CDH18: variants seen among roughly 807,000 people sequenced by gnomAD.
CDH18 encodes cadherin-18.
CDH18 carries 31 observed loss-of-function variants against 67.9 expected under a neutral mutation model. That is an observed-to-expected ratio of 0.46 (90% CI 0.34 to 0.62). The LOEUF is 0.62. CDH18 is among the 20% of genes least tolerant of loss of function. CDH18 has a pLI of 0.01. For missense variants in CDH18, 890 were observed against 975.5 expected, an observed-to-expected ratio of 0.91 and a Z score of 1.17; for synonymous variants, 362 against 347.2, an observed-to-expected ratio of 1.04 and a Z score of -0.48.
intron 1 of CDH18, among the ~76,000 whole-genome samples, chr5:20,531,895 A>C (rs1756423278): frequency 6.6e-6 from 1 of 152,118 alleles, no homozygotes; most frequent in African/African-American, 2.4e-5. Flanking sequence ...AAAAATAATA[A>C]AATTAAAATT....
At chr5:19,922,763 G>A (rs933113864) in intron 2 of CDH18, among the ~76,000 whole-genome samples, 13 of 151,852 alleles carry the variant, frequency 8.6e-5, no homozygotes, top group Non-Finnish European at 1.6e-4. Context: ...TTATTCTACT[G>A]GAGAACACAT....
intron 1 of CDH18, among the ~76,000 whole-genome samples, chr5:20,310,419 T>C (rs991658769): frequency 1.3e-5 from 2 of 152,178 alleles, no homozygotes; most frequent in Non-Finnish European, 2.9e-5. Flanking sequence ...TTTGCTTTAA[T>C]TGGGGGAAAT....
chr5:20,108,062 T>A lies in CDH18; in HGVS notation c.-517-116048A>T, dbSNP rs549875820. On this transcript the variant is annotated intron_variant, in intron 2 of 14. Transcript: ENST00000507958. ...CATTTTACATTAATCGCCTCTTTGT[T>A]TTTGTTTGTTTCTTTTGTGTTTTGT... 5.9e-5 allele frequency among the ~76,000 whole-genome samples: 9 copies of A among 151,744 alleles called. No homozygotes were observed. The South Asian group carries it at 1.9e-3, about 32-fold the overall frequency.
intron 3 of CDH18, among the ~76,000 whole-genome samples, chr5:19,811,146 GAA>G (rs1277647781): frequency 3.3e-4 from 22 of 66,070 alleles, no homozygotes; most frequent in African/African-American, 6.2e-4. Flanking sequence ...AAGAAAGAAA[GAA>G]AGAAAGAAAG....
chr5:20,535,333 T>G (rs981704661), intron 1 of CDH18, among the ~76,000 whole-genome samples: 6 of 152,122 alleles, frequency 3.9e-5, no homozygotes, highest in African/African-American at 1.4e-4. Context: ...GCAGATCAGA[T>G]CGAGACCCTT....
rs548805236 is a variant in CDH18, at chr5:20,319,603, C to A, written c.-579-64098G>T. Reference sequence around the variant, plus strand: ...ATTTTTAGGGATTTAGCTTGCATAACCACAAAACATGTTAATCTTGATGAA... The same window carrying A: ...ATTTTTAGGGATTTAGCTTGCATAAACACAAAACATGTTAATCTTGATGAA... On this transcript the variant is annotated intron_variant, in intron 1 of 14. Coordinates refer to the CDH18 transcript ENST00000507958. Among the ~76,000 whole-genome samples, 9 of 152,190 alleles carry A rather than the reference C, an allele frequency of 5.9e-5. No individual in the cohort carries two copies. In the South Asian group the frequency reaches 1.9e-3, roughly 32 times the overall value.
At chr5:19,662,208 T>A (rs1262744651) in intron 5 of CDH18, among the ~76,000 whole-genome samples, 1 of 152,032 alleles carries the variant, frequency 6.6e-6, no homozygotes, top group East Asian at 1.9e-4. Context: ...ATATATTCTT[T>A]TAAAAATCGG....
intron 5 of CDH18, among the ~76,000 whole-genome samples, chr5:19,718,212 A>G (rs1027824519): frequency 2.6e-5 from 4 of 151,906 alleles, no homozygotes; most frequent in Admixed American, 6.6e-5. Context: ...CAATCGAAAC[A>G]CTGATTTTAG....
chr5:20,082,281 C>T (rs1027166246), intron 2 of CDH18, among the ~76,000 whole-genome samples: 1 of 152,042 alleles, frequency 6.6e-6, no homozygotes, highest in Non-Finnish European at 1.5e-5. Context: ...AGTAATGCTT[C>T]ACAGCAAGAG....
chr5:20,315,072 A>G (rs544055988), intron 1 of CDH18, among the ~76,000 whole-genome samples: 35 of 152,228 alleles, frequency 2.3e-4, no homozygotes, highest in African/African-American at 8.4e-4. Flanking sequence ...GCTTATATGC[A>G]TAATTATTTT....
chr5:19,909,773 G>A (rs1279319843), intron 2 of CDH18, among the ~76,000 whole-genome samples: 1 of 152,036 alleles, frequency 6.6e-6, no homozygotes, highest in Non-Finnish European at 1.5e-5. Context: ...CAGGTTTGCA[G>A]GAAATTATAC....
At chr5:19,621,459 C>G (rs1050798662) in intron 5 of CDH18, among the ~76,000 whole-genome samples, 2 of 152,002 alleles carry the variant, frequency 1.3e-5, no homozygotes, top group South Asian at 4.2e-4. Flanking sequence ...TTTTATATAC[C>G]TGTTGTCCAC....
At chr5:20,566,360 C>CTTTTTTTTTTTTTTT (rs529048391) in intron 1 of CDH18, among the ~76,000 whole-genome samples, 1 of 119,268 alleles carries the variant, frequency 8.4e-6, no homozygotes, top group Admixed American at 8.7e-5. Context: ...TTTTCTTTTT[C>CTTTTTTTTTTTTTTT]TTTTTTTTTT....
intron 1 of CDH18, among the ~76,000 whole-genome samples, chr5:20,562,530 C>T (rs928453758): frequency 1.6e-4 from 24 of 151,400 alleles, no homozygotes; most frequent in Non-Finnish European, 2.4e-4. Context: ...ATGTGTTTCA[C>T]CTGCATTTAG....
At chr5:20,154,772 T>C (rs1182774746) in intron 2 of CDH18, among the ~76,000 whole-genome samples, 2 of 152,144 alleles carry the variant, frequency 1.3e-5, no homozygotes, top group Admixed American at 6.6e-5. Context: ...TTCCCTTCTT[T>C]CTCGCACCAA....
At chr5:20,171,048 T>TA (rs972586667) in intron 2 of CDH18, among the ~76,000 whole-genome samples, 41 of 107,414 alleles carry the variant, frequency 3.8e-4, no homozygotes, top group East Asian at 2.7e-3. Flanking sequence ...CCTTTTTTTT[T>TA]TATATATATA....
At chr5:20,486,231 C>G (rs1203937811) in intron 1 of CDH18, among the ~76,000 whole-genome samples, 1 of 151,764 alleles carries the variant, frequency 6.6e-6, no homozygotes, top group African/African-American at 2.4e-5. Context: ...TTCATTAAGT[C>G]GAAAATATTG....
At chr5:19,849,454 G>A (rs1457407088) in intron 2 of CDH18, among the ~76,000 whole-genome samples, 2 of 151,650 alleles carry the variant, frequency 1.3e-5, no homozygotes, top group African/African-American at 2.4e-5. Context: ...GTGTTTTAAG[G>A]AGGAAAGAAT....
chr5:19,653,159 T>G (rs1755821573), intron 5 of CDH18, among the ~76,000 whole-genome samples: 2 of 151,696 alleles, frequency 1.3e-5, no homozygotes, highest in Non-Finnish European at 2.9e-5. Context: ...TACTTTTAAA[T>G]GGCAAAAACC....
Sources: gnomAD v4.1 joint callset for allele counts (sites outside exome capture counted in the v4.1 genomes callset) on GRCh38, gnomAD v4.1.1 for gene constraint, MANE v1.5 for transcripts, NCBI Gene and HGNC (gene_info 2026-07-23, HGNC 2026-07-21) for gene names.